FDFT1: variants seen among roughly 807,000 people sequenced by gnomAD.
FDFT1 encodes farnesyl-diphosphate farnesyltransferase 1.
Under a neutral mutation model 46.8 loss-of-function variants are expected in FDFT1, and 68 were observed. The ratio of observed to expected loss-of-function variants is 1.45; its 90% CI spans 1.19 to 1.78. The LOEUF (loss-of-function observed/expected upper bound fraction) is 1.78, where lower values mean the gene tolerates loss of function less well. Ranked by LOEUF, FDFT1 falls within the 40% of genes most tolerant of loss-of-function variation. The pLI is 0.00. For synonymous variants in FDFT1, 351 were observed against 185.1 expected, an observed-to-expected ratio of 1.90 and a Z score of -7.28; for missense variants, 928 against 524.4, an observed-to-expected ratio of 1.77 and a Z score of -7.52.
chr8:11,825,047 T>A (rs28441391), intron 4 of FDFT1, among the ~76,000 whole-genome samples: 1 of 152,116 alleles, frequency 6.6e-6, no homozygotes, highest in Non-Finnish European at 1.5e-5. Flanking sequence ...ATGTGCAGAG[T>A]TCTTAAAACC....
upstream of FDFT1, chr8:11,798,285 C>T (rs937605461): frequency 6.6e-6 from 1 of 152,200 alleles, no homozygotes; most frequent in Admixed American, 6.5e-5. Context: ...GTCTCAAAGT[C>T]CTGACCTCAA....
intron 4 of FDFT1, among the ~76,000 whole-genome samples, chr8:11,825,116 G>A (rs1046293308): frequency 6.6e-6 from 1 of 152,206 alleles, no homozygotes; most frequent in Non-Finnish European, 1.5e-5. Context: ...TTGAGGGCCT[G>A]CGGATCTTGA....
intron 1 of FDFT1, among the ~76,000 whole-genome samples, chr8:11,796,586 G>T (rs895924239): frequency 2.6e-5 from 4 of 152,212 alleles, no homozygotes; most frequent in Non-Finnish European, 2.9e-5. Flanking sequence ...GTGGAAAAGG[G>T]GAAGGCTGCA....
intron 1 of FDFT1, chr8:11,803,429 T>G: frequency 7.8e-7 from 1 of 1,287,786 alleles, no homozygotes; most frequent in Non-Finnish European, 1.0e-6. Context: ...TCATCCTCGG[T>G]GCTTCCTGAG....
At chr8:11,834,676 A>C (rs1811298704) in intron 7 of FDFT1, among the ~76,000 whole-genome samples, 1 of 152,258 alleles carries the variant, frequency 6.6e-6, no homozygotes, top group African/African-American at 2.4e-5. Flanking sequence ...CAAGAGTTTT[A>C]AATGATGATC....
exon 1 of FDFT1, chr8:11,795,618 G>T (rs1805476484): frequency 6.7e-6 from 1 of 150,318 alleles, no homozygotes; most frequent in African/African-American, 2.5e-5. Context: ...CGCTTGGGAA[G>T]CTTTGTTGTT....
At position 11,809,660 on chromosome 8, in the gene FDFT1, T is replaced by C; in HGVS notation, c.198-7T>C. The C allele has an allele frequency of 6.3e-7, 1 of 1,584,062 alleles. No individual in the cohort carries two copies. Among genetic ancestry groups the C allele is most frequent in the South Asian group, 1.2e-5 (1 of 86,594 alleles). On this transcript the variant is annotated splice_polypyrimidine_tract_variant and splice_region_variant and intron_variant, in intron 2 of 7. Coordinates refer to ENST00000220584, the MANE Select transcript of FDFT1 (RefSeq NM_004462.5). ...CCAATATATTAATAGTTTTCCCTTT[T>C]TTACAGCAACGCAGTGTGCATATTT...
intron 5 of FDFT1, among the ~76,000 whole-genome samples, chr8:11,828,035 C>G (rs112800470): frequency 1.3e-5 from 2 of 152,092 alleles, no homozygotes; most frequent in East Asian, 1.9e-4. Flanking sequence ...AACTCCGTCT[C>G]TACTAAAATT....
chr8:11,832,220 AC>A (rs1810900483), intron 7 of FDFT1, among the ~76,000 whole-genome samples: 1 of 151,610 alleles, frequency 6.6e-6, no homozygotes, highest in South Asian at 2.1e-4. Context: ...AAGAAAACTT[AC>A]CTTCTTAGGT....
At chr8:11,826,937 C>G (rs1810075564) in intron 5 of FDFT1, among the ~76,000 whole-genome samples, 1 of 152,170 alleles carries the variant, frequency 6.6e-6, no homozygotes, top group South Asian at 2.1e-4. Context: ...GGATTTCCCC[C>G]AAAGAAAGAA....
chr8:11,803,337 G>T (rs1022427284), intron 1 of FDFT1: 1 of 1,292,300 alleles, frequency 7.7e-7, no homozygotes, highest in Non-Finnish European at 1.0e-6. Flanking sequence ...ATCACATGAA[G>T]GCCGTTTCTG....
upstream of FDFT1, among the ~76,000 whole-genome samples, chr8:11,799,354 G>A (rs750032635): frequency 6.6e-6 from 1 of 152,202 alleles, no homozygotes; most frequent in Non-Finnish European, 1.5e-5. Context: ...TTTTACTATT[G>A]CTTATCTCAA....
chr8:11,797,978 C>T (rs573798902), upstream of FDFT1: 3 of 152,262 alleles, frequency 2.0e-5, no homozygotes, highest in African/African-American at 7.2e-5. Flanking sequence ...CGTTTTTATT[C>T]TATGCCAGAA....
Position 11,803,455 on chromosome 8 carries a change from T to C in FDFT1, c.99+524T>C, listed in dbSNP as rs1401187377. The C allele has an allele frequency of 9.4e-6, 12 of 1,279,450 alleles. 1 individual carries two copies. In the South Asian group the frequency reaches 1.4e-4, roughly 15 times the overall value. 79.3% of individuals were successfully genotyped at this position (1,279,450 alleles called of 1,614,324 possible). On this transcript the variant is annotated intron_variant, in intron 1 of 7. Transcript: ENST00000220584. Reference sequence around the variant, plus strand: ...GCTTCCTGAGTTTTAAAATCGCCTATCTACGCTTCCAAGTTCCAATGAGTT... The same window carrying C: ...GCTTCCTGAGTTTTAAAATCGCCTACCTACGCTTCCAAGTTCCAATGAGTT...
intron 7 of FDFT1, among the ~76,000 whole-genome samples, chr8:11,836,209 C>A (rs1474451111): frequency 2.6e-5 from 4 of 151,764 alleles, no homozygotes; most frequent in Non-Finnish European, 4.4e-5. Context: ...AGAAACTATT[C>A]TCAGGGTCAT....
At chr8:11,826,730 G>T (rs1487668558) in intron 5 of FDFT1, among the ~76,000 whole-genome samples, 10 of 152,168 alleles carry the variant, frequency 6.6e-5, no homozygotes, top group Admixed American at 5.2e-4. Context: ...CAGGAGAATC[G>T]CTTGAACCCA....
At chr8:11,813,959 G>C (rs1027065888) in intron 3 of FDFT1, among the ~76,000 whole-genome samples, 3 of 152,140 alleles carry the variant, frequency 2.0e-5, no homozygotes, top group African/African-American at 7.2e-5. Context: ...ACTTTCTCCT[G>C]TATATTTTTG....
At chr8:11,808,738 A>G (rs79689996) in intron 1 of FDFT1, 56 bp from the exon 2 acceptor site, 10 of 1,552,982 alleles carry the variant, frequency 6.4e-6, no homozygotes, top group African/African-American at 3.5e-5. Flanking sequence ...TCCCACTCCC[A>G]CTCCCACTCC....
At chr8:11,820,360 G>GA (rs1202328651) in intron 3 of FDFT1, among the ~76,000 whole-genome samples, 3 of 152,214 alleles carry the variant, frequency 2.0e-5, no homozygotes, top group African/African-American at 4.8e-5. Flanking sequence ...GCCGAGCTGG[G>GA]AGAACCACTG....
Sources: allele counts gnomAD v4.1 joint callset (sites outside exome capture counted in the v4.1 genomes callset), GRCh38; gene constraint gnomAD v4.1.1; transcripts MANE v1.5; gene names NCBI Gene and HGNC (gene_info 2026-07-23, HGNC 2026-07-21).